AVL9: variants seen among roughly 807,000 people sequenced by gnomAD.
The protein encoded by AVL9 is AVL9 cell migration associated.
AVL9 carries 49 observed loss-of-function variants against 79.2 expected under a neutral mutation model. That is an observed-to-expected ratio of 0.62 (90% CI 0.49 to 0.79). The LOEUF (loss-of-function observed/expected upper bound fraction) is 0.79, where lower values mean the gene tolerates loss of function less well. Ranked by LOEUF, AVL9 falls within the 30% of genes least tolerant of loss-of-function variation. The pLI is 0.00. For synonymous variants in AVL9, 299 were observed against 280.6 expected, an observed-to-expected ratio of 1.07 and a Z score of -0.65; for missense variants, 682 against 776.8, an observed-to-expected ratio of 0.88 and a Z score of 1.45.
chr7:32,502,406 A>AAAAAAAAAAAAAAAAAAAAAG (rs201243248), intron 1 of AVL9, among the ~76,000 whole-genome samples: 1 of 140,118 alleles, frequency 7.1e-6, no homozygotes, highest in Non-Finnish European at 1.5e-5. Context: ...AAAAAAAAAA[A>AAAAAAAAAAAAAAAAAAAAAG]AAAGAAAGAA....
intron 1 of AVL9, among the ~76,000 whole-genome samples, chr7:32,512,421 T>A (rs2128118804): frequency 6.6e-6 from 1 of 152,296 alleles, no homozygotes; most frequent in Non-Finnish European, 1.5e-5. Flanking sequence ...ATGAGGACAC[T>A]AAAGACCAGA....
chr7:32,573,653 AC>A (rs1790959175), intron 12 of AVL9, among the ~76,000 whole-genome samples: 1 of 152,122 alleles, frequency 6.6e-6, no homozygotes, highest in Admixed American at 6.5e-5. Context: ...TGGTCCTTTT[AC>A]AAAAATGGAT....
At chr7:32,552,718 T>G (rs923903314) in intron 6 of AVL9, among the ~76,000 whole-genome samples, 1 of 152,076 alleles carries the variant, frequency 6.6e-6, no homozygotes, top group African/African-American at 2.4e-5. Flanking sequence ...AGTTGGTATT[T>G]TTTGTTTGTT....
At chr7:32,514,757 A>G (rs1370893967) in intron 1 of AVL9, among the ~76,000 whole-genome samples, 1 of 152,178 alleles carries the variant, frequency 6.6e-6, no homozygotes, top group African/African-American at 2.4e-5. Context: ...CCGCCAGAGA[A>G]CAAACACCCT....
chr7:32,557,877 A>T (rs1361675521), intron 8 of AVL9, among the ~76,000 whole-genome samples: 2 of 57,180 alleles, frequency 3.5e-5, no homozygotes, highest in Non-Finnish European at 7.1e-5. Flanking sequence ...TTTTTTTGAG[A>T]CAGAGTCTTG....
chr7:32,567,508 TAA>T (rs954577919), intron 10 of AVL9, among the ~76,000 whole-genome samples: 4 of 152,156 alleles, frequency 2.6e-5, no homozygotes, highest in Admixed American at 6.6e-5. Flanking sequence ...GCATCGCTAA[TAA>T]AAAGTCTCCC....
At chr7:32,525,682 G>A (rs1788372499) in intron 1 of AVL9, among the ~76,000 whole-genome samples, 1 of 152,076 alleles carries the variant, frequency 6.6e-6, no homozygotes. Context: ...CATATCTTTA[G>A]TTGGTGCCCT....
At chr7:32,573,569 T>C in intron 12 of AVL9, 151 bp downstream of exon 12, 1 of 733,996 alleles carries the variant, frequency 1.4e-6, no homozygotes, top group East Asian at 2.7e-5. Flanking sequence ...ACTTTTAACG[T>C]CTTTAGTACT....
At chr7:32,551,223 T>C in intron 4 of AVL9, 111 bp from the exon 5 acceptor site, 1 of 706,832 alleles carries the variant, frequency 1.4e-6, no homozygotes, top group East Asian at 2.5e-5. Flanking sequence ...TTACTAACTT[T>C]TTTCTCCAAA....
chr7:32,498,237 A>AT (rs10547851), intron 1 of AVL9, among the ~76,000 whole-genome samples: 33,110 of 89,642 alleles, frequency 0.37, 6,239 homozygotes, highest in South Asian at 0.46. Context: ...AAGTCCTCAG[A>AT]TTTTTTTTTT....
intron 8 of AVL9, among the ~76,000 whole-genome samples, 200 bp from the exon 9 acceptor site, chr7:32,558,359 T>C (rs1184615825): frequency 6.6e-6 from 1 of 152,026 alleles, no homozygotes; most frequent in Non-Finnish European, 1.5e-5. Context: ...GGTTTCACCA[T>C]GTTGGCCAGG....
intron 1 of AVL9, among the ~76,000 whole-genome samples, chr7:32,497,622 A>C (rs150575195): frequency 6.7e-6 from 1 of 149,862 alleles, no homozygotes; most frequent in East Asian, 2.0e-4. Context: ...CAAGTATTCA[A>C]AATTGCCGTG....
At chr7:32,565,645 C>T (rs145307030) in intron 10 of AVL9, among the ~76,000 whole-genome samples, 3 of 152,006 alleles carry the variant, frequency 2.0e-5, no homozygotes, top group African/African-American at 7.2e-5. Flanking sequence ...AGAAGAATCA[C>T]TTGAGCTCAG....
At chr7:32,560,314 G>A (rs899339635) in intron 10 of AVL9, among the ~76,000 whole-genome samples, 2 of 151,366 alleles carry the variant, frequency 1.3e-5, no homozygotes, top group African/African-American at 2.4e-5. Flanking sequence ...GCACAATAAA[G>A]TGAAGTACAA....
intron 6 of AVL9, among the ~76,000 whole-genome samples, chr7:32,552,799 TAGTAATGGA>T (rs1487284818): frequency 1.6e-4 from 24 of 152,256 alleles, no homozygotes; most frequent in Admixed American, 1.4e-3. Context: ...CCTTCTAGGA[TAGTAATGGA>T]AGTTTTTTAT....
intron 12 of AVL9, 71 bp downstream of exon 12, chr7:32,573,489 T>C (rs1279320432): frequency 1.5e-6 from 2 of 1,362,886 alleles, no homozygotes; most frequent in Non-Finnish European, 2.1e-6. Flanking sequence ...TTTATGAGAT[T>C]TTGGATTGCA....
chr7:32,553,261 A>G (rs563376337), intron 6 of AVL9, among the ~76,000 whole-genome samples: 60 of 152,314 alleles, frequency 3.9e-4, no homozygotes, highest in African/African-American at 1.4e-3. Flanking sequence ...GCCATGACCA[A>G]AAACCTTGTT....
At position 32,554,647 on chromosome 7, in the gene AVL9, C is replaced by T. The variant is rs1393800789; in HGVS notation, c.609+51C>T. The T allele has an allele frequency of 3.3e-6, 4 of 1,199,968 alleles. No individual in the cohort carries two copies. In the Admixed American group the frequency reaches 7.9e-5, roughly 24 times the overall value. The allele number at this position is 1,199,968 out of a possible 1,614,324, so 74.3% of individuals were successfully genotyped here. The stretch of plus-strand genomic sequence containing the variant: ...AGATGGAGTATTTAACTTTTATTCA[C>T]TTTTTTTTACATTATTTCATAAAAT... On this transcript the variant is annotated intron_variant, in intron 8 of 15. Transcript: ENST00000318709.
intron 1 of AVL9, among the ~76,000 whole-genome samples, chr7:32,503,407 A>ACACACACACACACACACAC (rs1477431265): frequency 1.8e-3 from 109 of 60,276 alleles, no homozygotes; most frequent in Middle Eastern, 8.5e-3. Flanking sequence ...CACACACACA[A>ACACACACACACACACACAC]ATTAGCCGGG....
Sources: allele counts gnomAD v4.1 joint callset (sites outside exome capture counted in the v4.1 genomes callset), GRCh38; gene constraint gnomAD v4.1.1; transcripts MANE v1.5; gene names NCBI Gene and HGNC (gene_info 2026-07-23, HGNC 2026-07-21).